Variants in PPP3CA observed in about 807,000 individuals in gnomAD.
PPP3CA encodes protein phosphatase 3 catalytic subunit alpha, also known as CAM-PRP catalytic subunit.
A neutral mutation model predicts 66.5 loss-of-function variants in PPP3CA; 14 were observed. The ratio of observed to expected loss-of-function variants is 0.21; its 90% CI spans 0.14 to 0.33. PPP3CA has a LOEUF of 0.33. PPP3CA is among the 10% of genes least tolerant of loss of function. The pLI, the probability that PPP3CA is intolerant of heterozygous loss-of-function variation, is 1.00. For missense variants in PPP3CA, 317 were observed against 639.5 expected (o/e 0.50, Z 5.44); for synonymous variants, 232 against 226.2 (o/e 1.03, Z -0.23).
chr4:101,345,855 C>T (rs914962515), intron 1 of PPP3CA, among the ~76,000 whole-genome samples: 1 of 152,192 alleles, frequency 6.6e-6, no homozygotes, highest in Non-Finnish European at 1.5e-5. Flanking sequence ...AAAAAGGATG[C>T]CAGGGCACGG....
chr4:101,185,297 T>C, intron 2 of PPP3CA, among the ~76,000 whole-genome samples: 1 of 152,110 alleles, frequency 6.6e-6, no homozygotes, highest in Non-Finnish European at 1.5e-5. Context: ...AGAAAATAAT[T>C]CTGGGGTTCA....
At chr4:101,040,669 T>G (rs79590745) in intron 10 of PPP3CA, 103 bp from the exon 11 acceptor site, 11 of 268,240 alleles carry the variant, frequency 4.1e-5, no homozygotes, top group African/African-American at 3.2e-4. Flanking sequence ...AAAATCAGTA[T>G]TTTTTTTTTT....
intron 1 of PPP3CA, among the ~76,000 whole-genome samples, chr4:101,240,525 C>T (rs988362929): frequency 1.3e-5 from 2 of 151,960 alleles, no homozygotes; most frequent in Admixed American, 1.3e-4. Flanking sequence ...AGAAAAATAA[C>T]CAGGTTGGTC....
chr4:101,148,718 A>G (rs1485832984), intron 2 of PPP3CA, among the ~76,000 whole-genome samples: 1 of 152,154 alleles, frequency 6.6e-6, no homozygotes, highest in Non-Finnish European at 1.5e-5. Context: ...CTTTTATCTC[A>G]GATGGTAAAT....
intron 11 of PPP3CA, among the ~76,000 whole-genome samples, chr4:101,038,088 T>C (rs1430392322): frequency 1.3e-5 from 2 of 152,150 alleles, no homozygotes; most frequent in Non-Finnish European, 2.9e-5. Context: ...GATTGTCAAA[T>C]GTGCATAACA....
At chr4:101,040,591 G>C in intron 10 of PPP3CA, 25 bp from the exon 11 acceptor site, 1 of 1,572,948 alleles carries the variant, frequency 6.4e-7, no homozygotes, top group East Asian at 2.3e-5. Context: ...AGAGTTCAGT[G>C]GTCAGTAATT....
intron 1 of PPP3CA, among the ~76,000 whole-genome samples, chr4:101,266,776 A>G (rs778951190): frequency 2.9e-4 from 44 of 152,346 alleles, no homozygotes; most frequent in Non-Finnish European, 5.1e-4. Context: ...TAGCAAACAC[A>G]AACACATTCA....
intron 1 of PPP3CA, among the ~76,000 whole-genome samples, chr4:101,211,192 C>T (rs576647437): frequency 4.0e-5 from 6 of 151,520 alleles, no homozygotes; most frequent in East Asian, 1.9e-4. Flanking sequence ...CAGGCCCCTG[C>T]TTTGGGGCTG....
intron 2 of PPP3CA, among the ~76,000 whole-genome samples, chr4:101,116,191 T>A (rs1721833892): frequency 6.6e-6 from 1 of 151,906 alleles, no homozygotes; most frequent in Admixed American, 6.6e-5. Flanking sequence ...AACTAACAGA[T>A]CACAATTTTT....
intron 10 of PPP3CA, among the ~76,000 whole-genome samples, chr4:101,050,274 C>A (rs1262629907): frequency 6.6e-6 from 1 of 152,028 alleles, no homozygotes; most frequent in African/African-American, 2.4e-5. Context: ...TGTCCATGGG[C>A]CAAATGGCTG....
chr4:101,333,270 GTTTTTTTTTTTT>G (rs70961788), intron 1 of PPP3CA, among the ~76,000 whole-genome samples: 3 of 47,240 alleles, frequency 6.4e-5, no homozygotes, highest in Non-Finnish European at 9.9e-5. Flanking sequence ...ACCATGCCCA[GTTTTTTTTTTTT>G]TTTTTTTTTT....
intron 1 of PPP3CA, chr4:101,330,377 T>C (rs1338540362): frequency 7.6e-6 from 4 of 523,612 alleles, no homozygotes; most frequent in Admixed American, 2.1e-5. Context: ...TCTACTTTCT[T>C]TGCTCATCCT....
At chr4:101,242,584 G>A (rs534397871) in intron 1 of PPP3CA, among the ~76,000 whole-genome samples, 26 of 152,162 alleles carry the variant, frequency 1.7e-4, no homozygotes, top group Non-Finnish European at 3.1e-4. Context: ...CTGCATCATG[G>A]ATTTGCAGGA....
chr4:101,312,681 T>G (rs1728766165), intron 1 of PPP3CA, among the ~76,000 whole-genome samples: 2 of 152,090 alleles, frequency 1.3e-5, no homozygotes, highest in African/African-American at 4.8e-5. Context: ...TGTATAACCA[T>G]TTACTGAAGA....
intron 11 of PPP3CA, among the ~76,000 whole-genome samples, chr4:101,033,446 T>G (rs1727101824): frequency 6.6e-6 from 1 of 152,134 alleles, no homozygotes; most frequent in South Asian, 2.1e-4. Context: ...ACAATCTGTC[T>G]TCAACTCAGA....
chr4:101,281,486 T>C (rs1007961356), intron 1 of PPP3CA, among the ~76,000 whole-genome samples: 6 of 152,218 alleles, frequency 3.9e-5, no homozygotes, highest in Non-Finnish European at 7.3e-5. Context: ...GGCTCTTCTT[T>C]GGTCTAAGTG....
chr4:101,170,886 C>T (rs1051502458), intron 2 of PPP3CA, among the ~76,000 whole-genome samples: 7 of 152,082 alleles, frequency 4.6e-5, no homozygotes, highest in African/African-American at 1.7e-4. Flanking sequence ...ATCTGTGAAA[C>T]TGACACAAAT....
chr4:101,346,884 C>T lies in PPP3CA; in HGVS notation c.-88G>A. ...CGGCGGGCCAGACACTCAACGCCGCCGCCGCCGCCGCCGCCGCCGCGCTGC... is the reference window on the plus strand; with the variant it reads ...CGGCGGGCCAGACACTCAACGCCGCTGCCGCCGCCGCCGCCGCCGCGCTGC... On this transcript the variant is annotated 5_prime_UTR_variant, in exon 1 of 14. Coordinates refer to ENST00000394854, the MANE Select transcript of PPP3CA (RefSeq NM_000944.5). 2.2e-6 allele frequency: 3 copies of T among 1,384,416 alleles called. No homozygotes were observed. The highest frequency in any genetic ancestry group is 2.5e-5 in the South Asian group (2 of 79,298). The allele number at this position is 1,384,416 out of a possible 1,614,324, so 85.8% of individuals were successfully genotyped here. A position where few individuals can be genotyped will look rare whatever the true frequency, so the allele number is the denominator to read the frequency against.
intron 11 of PPP3CA, among the ~76,000 whole-genome samples, chr4:101,033,164 T>C (rs891449103): frequency 6.6e-6 from 1 of 152,030 alleles, no homozygotes; most frequent in African/African-American, 2.4e-5. Context: ...TCTTTCCACA[T>C]AGCAATATTG....
Sources: allele counts gnomAD v4.1 joint callset (sites outside exome capture counted in the v4.1 genomes callset), GRCh38; gene constraint gnomAD v4.1.1; transcripts MANE v1.5; gene names NCBI Gene and HGNC (gene_info 2026-07-23, HGNC 2026-07-21).